Variants in DCN observed in about 807,000 individuals in gnomAD.
The protein encoded by DCN is decorin, also known as bone proteoglycan II.
In DCN, 17 loss-of-function variants were observed where a neutral mutation model predicts 36.5. That is an observed-to-expected ratio of 0.47 (90% CI 0.32 to 0.70). The LOEUF (loss-of-function observed/expected upper bound fraction) is 0.70, where lower values mean the gene tolerates loss of function less well. Ranked by LOEUF, DCN falls within the 30% of genes least tolerant of loss-of-function variation. DCN has a pLI of 0.04. For synonymous variants in DCN, 163 were observed against 161.4 expected, an observed-to-expected ratio of 1.01 and a Z score of -0.07; for missense variants, 389 against 430.1, an observed-to-expected ratio of 0.90 and a Z score of 0.84.
intron 3 of DCN, 63 bp from the exon 4 acceptor site, chr12:91,158,572 G>A: frequency 3.4e-6 from 3 of 894,012 alleles, no homozygotes; most frequent in Admixed American, 3.4e-5. Flanking sequence ...TGTAAAACAA[G>A]GGCATGTTTG....
chr12:91,178,899 T>C (rs1433629687), intron 1 of DCN, among the ~76,000 whole-genome samples: 1 of 152,154 alleles, frequency 6.6e-6, no homozygotes, highest in African/African-American at 2.4e-5. Context: ...TAAATCATGT[T>C]GGGCTTTTCA....
intron 2 of DCN, among the ~76,000 whole-genome samples, chr12:91,167,474 C>CAG (rs961832495): frequency 2.8e-5 from 4 of 140,388 alleles, no homozygotes; most frequent in Admixed American, 7.0e-5. Context: ...GACAGACAGA[C>CAG]ACACACACAC....
At position 91,148,721 on chromosome 12, in the gene DCN, C is replaced by CAAAA. The variant is rs5799978; in HGVS notation, c.886-2473_886-2470dup. On this transcript the variant is annotated intron_variant, in intron 7 of 7. Coordinates refer to ENST00000052754, the MANE Select transcript of DCN (RefSeq NM_001920.5). ...GGTGACAGAGCGAGACGCTCCGACTCAAAAAAAAAAAAAAAAAAAAAAAAA... is the reference window on the plus strand; with the variant it reads ...GGTGACAGAGCGAGACGCTCCGACTCAAAAAAAAAAAAAAAAAAAAAAAAAAAAA... Among the ~76,000 whole-genome samples, 337 of 49,450 alleles carry CAAAA rather than the reference C, an allele frequency of 6.8e-3. 12 individuals carry two copies. Among genetic ancestry groups the CAAAA allele is most frequent in the East Asian group, 0.04 (59 of 1,460 alleles). The allele number at this position is 49,450 out of a possible 152,430, so 32.4% of individuals were successfully genotyped here.
At chr12:91,148,716 C>T (rs1251171832) in intron 7 of DCN, among the ~76,000 whole-genome samples, 3 of 61,252 alleles carry the variant, frequency 4.9e-5, no homozygotes, top group Admixed American at 2.0e-4. Context: ...CGAGACGCTC[C>T]GACTCAAAAA....
intron 7 of DCN, among the ~76,000 whole-genome samples, chr12:91,147,051 A>G (rs1223435118): frequency 6.6e-6 from 1 of 152,130 alleles, no homozygotes; most frequent in Non-Finnish European, 1.5e-5. Context: ...AAGTAAACCA[A>G]ATTATATGTT....
At position 91,148,641 on chromosome 12, in the gene DCN, G is replaced by A. The variant is rs536532435; in HGVS notation, c.886-2389C>T. Among the ~76,000 whole-genome samples, 149 of 147,316 alleles carry A rather than the reference G, an allele frequency of 1.0e-3. 6 individuals are homozygous for A. The South Asian group carries it at 0.03, about 29-fold the overall frequency. On this transcript the variant is annotated intron_variant, in intron 7 of 7. Coordinates refer to ENST00000052754, the MANE Select transcript of DCN (RefSeq NM_001920.5). Reference sequence around the variant, plus strand: ...TGAGGCAGGAGAATTTCTTGAACCCGAGAGGCGGAGGTTGCAGTGAGCCGA... The same window carrying A: ...TGAGGCAGGAGAATTTCTTGAACCCAAGAGGCGGAGGTTGCAGTGAGCCGA...
chr12:91,168,596 A>T (rs1360587879), intron 2 of DCN, among the ~76,000 whole-genome samples: 2 of 152,316 alleles, frequency 1.3e-5, no homozygotes, highest in African/African-American at 4.8e-5. Flanking sequence ...CATGATGAAA[A>T]GTTTATGAGT....
At chr12:91,160,030 C>A (rs376626049) in intron 3 of DCN, among the ~76,000 whole-genome samples, 1 of 151,992 alleles carries the variant, frequency 6.6e-6, no homozygotes, top group Non-Finnish European at 1.5e-5. Flanking sequence ...TCACATTACT[C>A]GATGAATTAA....
In DCN at chr12:91,142,160, T is replaced by A. The variant is rs1007877070; in HGVS notation, c.*3898A>T. ...CTAGAAGGAATGTTTTAGCAATAAG[T>A]GTGGAAACTTAAAATTGAGCAGCAA... On this transcript the variant is annotated 3_prime_UTR_variant, in exon 8 of 8. Transcript: ENST00000052754. 1 of 152,142 alleles carries A rather than the reference T, an allele frequency of 6.6e-6. No homozygotes were observed. The highest frequency in any genetic ancestry group is 1.5e-5 in the Non-Finnish European group (1 of 68,034). 9.4% of individuals were successfully genotyped at this position (152,142 alleles called of 1,614,324 possible). A position where few individuals can be genotyped will look rare whatever the true frequency, so the allele number is the denominator to read the frequency against.
chr12:91,168,816 T>G (rs954260626), intron 2 of DCN, among the ~76,000 whole-genome samples: 7 of 152,248 alleles, frequency 4.6e-5, no homozygotes, highest in Non-Finnish European at 8.8e-5. Flanking sequence ...TTGCTCTTAC[T>G]TTCTTCAGTG....
chr12:91,149,837 A>C (rs1204805988), intron 7 of DCN, among the ~76,000 whole-genome samples: 2 of 152,212 alleles, frequency 1.3e-5, no homozygotes, highest in East Asian at 1.9e-4. Flanking sequence ...ACAGCATCAA[A>C]AAGAATGAAA....
intron 2 of DCN, among the ~76,000 whole-genome samples, chr12:91,168,919 A>G (rs1282438927): frequency 6.6e-6 from 1 of 152,204 alleles, no homozygotes; most frequent in African/African-American, 2.4e-5. Context: ...CAGCAGTAAG[A>G]GTTTCTCTAC....
At chr12:91,171,679 G>A (rs1283225799) in intron 2 of DCN, among the ~76,000 whole-genome samples, 1 of 152,144 alleles carries the variant, frequency 6.6e-6, no homozygotes, top group Non-Finnish European at 1.5e-5. Flanking sequence ...AAGCTTGTGG[G>A]CGACAGCAGC....
Position 91,181,455 on chromosome 12 carries a change from GTTA to G in DCN, c.-34+1197_-34+1199del, listed in dbSNP as rs534137435. Among the ~76,000 whole-genome samples, 14 of 152,120 alleles carry G rather than the reference GTTA, an allele frequency of 9.2e-5. No homozygotes were observed. The East Asian group carries it at 2.7e-3, about 29-fold the overall frequency. ...TGTCCAAGTAGTAACCAAAGAGATT[GTTA>G]TTGAGATGATATGCTGTTTAAATTA... On this transcript the variant is annotated intron_variant, in intron 1 of 7. Transcript: ENST00000052754.
intron 6 of DCN, 127 bp downstream of exon 6, chr12:91,152,969 A>G (rs1881530374): frequency 3.0e-6 from 2 of 666,834 alleles, no homozygotes; most frequent in Non-Finnish European, 5.5e-6. Flanking sequence ...TTGAGATTAT[A>G]GAAACAACAA....
At chr12:91,151,359 C>T (rs563265815) in intron 7 of DCN, 18 of 336,374 alleles carry the variant, frequency 5.4e-5, no homozygotes, top group African/African-American at 2.6e-4. Flanking sequence ...CTTCAAACTC[C>T]CCCTACTCAC....
chr12:91,171,807 C>G (rs1882977391), intron 2 of DCN, among the ~76,000 whole-genome samples: 1 of 152,172 alleles, frequency 6.6e-6, no homozygotes, highest in East Asian at 1.9e-4. Flanking sequence ...GAGAACAGCC[C>G]TTCAGAGCCC....
chr12:91,169,380 A>T (rs1359958348), intron 2 of DCN, among the ~76,000 whole-genome samples: 12 of 146,198 alleles, frequency 8.2e-5, no homozygotes, highest in African/African-American at 2.9e-4. Context: ...GATCCTGTCA[A>T]AAAAAAAAAA....
intron 4 of DCN, 23 bp from the exon 5 acceptor site, chr12:91,157,211 G>A: frequency 6.5e-7 from 1 of 1,540,408 alleles, no homozygotes; most frequent in South Asian, 1.1e-5. Flanking sequence ...TAAGTGCAAG[G>A]CTTTTAGAGG....
Sources: allele counts gnomAD v4.1 joint callset (sites outside exome capture counted in the v4.1 genomes callset), GRCh38; gene constraint gnomAD v4.1.1; transcripts MANE v1.5; gene names NCBI Gene and HGNC (gene_info 2026-07-23, HGNC 2026-07-21).